EBF1: variants seen among roughly 807,000 people sequenced by gnomAD.
The protein encoded by EBF1 is EBF transcription factor 1, also known as transcription factor COE1.
Under a neutral mutation model 68.4 loss-of-function variants are expected in EBF1, and 10 were observed. The observed-to-expected ratio is 0.15, with a 90% confidence interval of 0.09 to 0.25. The LOEUF (loss-of-function observed/expected upper bound fraction) is 0.25. Ranked by LOEUF, EBF1 falls within the 10% of genes least tolerant of loss-of-function variation. The pLI is 1.00. For missense variants in EBF1, 509 were observed against 794.4 expected, an observed-to-expected ratio of 0.64 and a Z score of 4.32; for synonymous variants, 298 against 299.8, an observed-to-expected ratio of 0.99 and a Z score of 0.06.
chr5:159,070,543 A>G lies in EBF1; in HGVS notation c.554+2853T>C, dbSNP rs867412911. ...GAAATAGCTTGCCCTGCACGATTGC[A>G]CTATGACCAGAAAGTCTCTTCTCTC... On this transcript the variant is annotated intron_variant, in intron 6 of 15. Transcript: ENST00000313708. Among the ~76,000 whole-genome samples the G allele has an allele frequency of 2.0e-5, 3 of 152,306 alleles. No individual in the cohort carries two copies. The South Asian group carries it at 6.2e-4, about 32-fold the overall frequency.
At chr5:158,944,614 T>C (rs1814237977) in intron 6 of EBF1, among the ~76,000 whole-genome samples, 1 of 152,252 alleles carries the variant, frequency 6.6e-6, no homozygotes, top group Non-Finnish European at 1.5e-5. Flanking sequence ...AAATTGTATT[T>C]CTGGTTCTAG....
At chr5:158,736,190 G>T (rs1765145735) in intron 10 of EBF1, among the ~76,000 whole-genome samples, 1 of 152,160 alleles carries the variant, frequency 6.6e-6, no homozygotes, top group Admixed American at 6.5e-5. Flanking sequence ...AGTCAAGCCA[G>T]ATGCATTCTC....
intron 10 of EBF1, among the ~76,000 whole-genome samples, chr5:158,774,975 T>C (rs1047499332): frequency 6.9e-6 from 1 of 145,732 alleles, no homozygotes; most frequent in Non-Finnish European, 1.5e-5. Context: ...AACTCTCTTC[T>C]AGAATATTTA....
chr5:158,720,454 C>T (rs1761695060), intron 11 of EBF1, among the ~76,000 whole-genome samples: 1 of 152,102 alleles, frequency 6.6e-6, no homozygotes, highest in Non-Finnish European at 1.5e-5. Flanking sequence ...ATGGAAAATT[C>T]CACAATGGTA....
intron 4 of EBF1, among the ~76,000 whole-genome samples, chr5:159,085,234 G>A (rs909277606): frequency 2.0e-5 from 3 of 152,120 alleles, no homozygotes; most frequent in Non-Finnish European, 4.4e-5. Context: ...CACTAACTGT[G>A]TCATGTTTGC....
intron 8 of EBF1, among the ~76,000 whole-genome samples, chr5:158,812,363 T>C (rs1413007589): frequency 6.6e-6 from 1 of 152,198 alleles, no homozygotes; most frequent in East Asian, 1.9e-4. Context: ...AACTGGTGGC[T>C]ACGTGGAGTC....
At chr5:159,094,283 A>T (rs1231329225) in intron 4 of EBF1, among the ~76,000 whole-genome samples, 2 of 150,958 alleles carry the variant, frequency 1.3e-5, no homozygotes, top group Non-Finnish European at 3.0e-5. Context: ...ATAAATGGTG[A>T]TTTACTCTGA....
At chr5:158,844,182 T>G (rs886814611) in intron 6 of EBF1, among the ~76,000 whole-genome samples, 1 of 126,166 alleles carries the variant, frequency 7.9e-6, no homozygotes. Context: ...CCTTTTTAAC[T>G]CAAGCCTTTT....
rs527430707 is a variant in EBF1, at chr5:158,973,407, ATTC to A, written c.554+99986_554+99988del. On this transcript the variant is annotated intron_variant, in intron 6 of 15. Coordinates refer to ENST00000313708, the MANE Select transcript of EBF1 (RefSeq NM_024007.5). ...CCACCCCTTCACCTACATGACTTCC[ATTC>A]TTCTTTCACCACTTTCTCAGAGGTT... Among the ~76,000 whole-genome samples the A allele has an allele frequency of 2.3e-3, 350 of 151,662 alleles. 2 individuals carry two copies. Among genetic ancestry groups the A allele is most frequent in the African/African-American group, 8.0e-3 (332 of 41,308 alleles).
At chr5:158,905,888 G>T (rs1804471544) in intron 6 of EBF1, among the ~76,000 whole-genome samples, 1 of 152,160 alleles carries the variant, frequency 6.6e-6, no homozygotes, top group Non-Finnish European at 1.5e-5. Context: ...GGTAGCAGGA[G>T]GGATACAAGG....
chr5:159,026,884 G>A (rs1767804792), intron 6 of EBF1, among the ~76,000 whole-genome samples: 1 of 152,066 alleles, frequency 6.6e-6, no homozygotes, highest in Non-Finnish European at 1.5e-5. Context: ...GTAGGCCTCT[G>A]CCTGCAGCAC....
intron 8 of EBF1, among the ~76,000 whole-genome samples, chr5:158,798,092 T>C (rs1490235019): frequency 6.6e-6 from 1 of 152,224 alleles, no homozygotes; most frequent in African/African-American, 2.4e-5. Flanking sequence ...AAATAAACTA[T>C]ATTTAACAAC....
At chr5:158,714,296 G>C in intron 11 of EBF1, 114 bp from the exon 12 acceptor site, 1 of 1,216,770 alleles carries the variant, frequency 8.2e-7, no homozygotes. Context: ...CTGCTATAAA[G>C]GCCGTAGCTT....
intron 6 of EBF1, among the ~76,000 whole-genome samples, chr5:159,051,499 G>C (rs1226883641): frequency 2.1e-5 from 3 of 145,856 alleles, no homozygotes; most frequent in Admixed American, 7.1e-5. Flanking sequence ...CTCGTGTTTC[G>C]GCTTTCGCTG....
In EBF1 at chr5:158,713,138, G is replaced by A; in HGVS notation, c.1201C>T (p.Leu401=). The A allele has an allele frequency of 1.4e-6, 2 of 1,477,440 alleles. No individual in the cohort carries two copies. The highest frequency in any genetic ancestry group is 1.8e-6 in the Non-Finnish European group (2 of 1,105,912). 91.5% of individuals were successfully genotyped at this position (1,477,440 alleles called of 1,614,324 possible). ...TCGGCAATGTCGGCCGCTCTCTTCA[G>A]AATGATTTCCTGAAAAGTCAAAGGA... ...GMPHNNQEII[L]KRAADIAEAL... Residue 401 remains leucine (L), a synonymous_variant, in exon 13 of 16, where the codon CTG becomes TTG. Coordinates refer to ENST00000313708, the MANE Select transcript of EBF1 (RefSeq NM_024007.5).
chr5:158,822,260 G>A (rs1215806347), intron 8 of EBF1, among the ~76,000 whole-genome samples: 5 of 33,640 alleles, frequency 1.5e-4, no homozygotes, highest in Admixed American at 2.7e-4. Flanking sequence ...TTGGATGGAC[G>A]GATGGACGGA....
chr5:159,014,658 G>T (rs1454462942), intron 6 of EBF1, among the ~76,000 whole-genome samples: 1 of 152,092 alleles, frequency 6.6e-6, no homozygotes, highest in Non-Finnish European at 1.5e-5. Flanking sequence ...ATGTTTATTT[G>T]AGTACATGGC....
chr5:158,723,936 A>G (rs1392813248), intron 11 of EBF1, among the ~76,000 whole-genome samples: 2 of 152,150 alleles, frequency 1.3e-5, no homozygotes, highest in African/African-American at 4.8e-5. Context: ...GCACACATGC[A>G]CGCACACACA....
intron 8 of EBF1, among the ~76,000 whole-genome samples, chr5:158,819,827 G>A (rs2127839826): frequency 1.3e-5 from 2 of 152,222 alleles, no homozygotes; most frequent in Admixed American, 1.3e-4. Context: ...GAAAATCTTG[G>A]TATTTATGAA....
Sources: gnomAD v4.1 joint callset for allele counts (sites outside exome capture counted in the v4.1 genomes callset) on GRCh38, gnomAD v4.1.1 for gene constraint, MANE v1.5 for transcripts, NCBI Gene and HGNC (gene_info 2026-07-23, HGNC 2026-07-21) for gene names.